Variants in ELAPOR2 observed in about 807,000 individuals in gnomAD.
ELAPOR2 encodes endosome/lysosome-associated apoptosis and autophagy regulator family member 2.
Under a neutral mutation model 120.7 loss-of-function variants are expected in ELAPOR2, and 89 were observed. The observed-to-expected ratio is 0.74, with a 90% CI of 0.62 to 0.88. The LOEUF (loss-of-function observed/expected upper bound fraction) is 0.88, where lower values mean the gene tolerates loss of function less well. ELAPOR2 is among the 40% of genes least tolerant of loss of function. The probability of loss-of-function intolerance (pLI) is 0.00; values close to 1 mark genes in which losing one functional copy is unlikely to be tolerated. For missense variants in ELAPOR2, 1,134 were observed against 1,251.6 expected (o/e 0.91, Z 1.42); for synonymous variants, 444 against 444.9 (o/e 1.00, Z 0.03).
intron 1 of ELAPOR2, among the ~76,000 whole-genome samples, chr7:87,034,665 T>A (rs1794526374): frequency 6.6e-6 from 1 of 152,150 alleles, no homozygotes; most frequent in African/African-American, 2.4e-5. Context: ...AGTAGAAGTC[T>A]GCATTACATT....
intron 2 of ELAPOR2, among the ~76,000 whole-genome samples, chr7:86,954,749 A>G (rs527780556): frequency 9.2e-5 from 14 of 152,120 alleles, no homozygotes; most frequent in Admixed American, 2.0e-4. Context: ...ATAATTATAT[A>G]TATTTGTGGG....
intron 15 of ELAPOR2, among the ~76,000 whole-genome samples, chr7:86,910,586 T>C (rs1247938511): frequency 1.3e-5 from 2 of 152,118 alleles, no homozygotes; most frequent in East Asian, 3.8e-4. Context: ...TTCAACTGTA[T>C]AACAAGTTAA....
At chr7:86,885,969 T>C (rs1799669486) in intron 21 of ELAPOR2, among the ~76,000 whole-genome samples, 1 of 152,160 alleles carries the variant, frequency 6.6e-6, no homozygotes, top group African/African-American at 2.4e-5. Context: ...AACTGCCATT[T>C]GCAACAAATG....
Position 86,938,926 on chromosome 7 carries a change from C to T in ELAPOR2, c.882G>A (p.Lys294=), listed in dbSNP as rs1301027024. ...CTGGTTTGTTGCTGAATGTGCCTGG[C>T]TTGCAAGGAAAACATTCTGATGTGT... ...VAYTSECFPC[K]PGTFSNKPGS... Residue 294 remains lysine (K), a synonymous_variant, in exon 7 of 22, where the codon AAG becomes AAA. Transcript: ENST00000450689. 6 of 1,613,062 alleles carry T rather than the reference C, an allele frequency of 3.7e-6. No homozygotes were observed. The highest frequency in any genetic ancestry group is 5.1e-6 in the Non-Finnish European group (6 of 1,179,442).
chr7:87,032,282 G>T (rs79662933), intron 1 of ELAPOR2, among the ~76,000 whole-genome samples: 3,689 of 152,206 alleles, frequency 0.024, 169 homozygotes, highest in African/African-American at 0.085. Flanking sequence ...ATTTGCTTAT[G>T]AATGATGAAT....
At chr7:86,915,126 T>TTTTTTG (rs895300129) in intron 12 of ELAPOR2, among the ~76,000 whole-genome samples, 2 of 152,142 alleles carry the variant, frequency 1.3e-5, no homozygotes, top group African/African-American at 4.8e-5. Context: ...GGTTGGGGTT[T>TTTTTTG]TTTTTGTTTT....
At chr7:87,043,762 C>T (rs1408375833) in intron 1 of ELAPOR2, among the ~76,000 whole-genome samples, 2 of 151,452 alleles carry the variant, frequency 1.3e-5, no homozygotes, top group East Asian at 1.9e-4. Context: ...CTGGCCAGGG[C>T]AATCAGGCAG....
intron 8 of ELAPOR2, among the ~76,000 whole-genome samples, chr7:86,930,711 C>T (rs1015983270): frequency 1.3e-5 from 2 of 151,970 alleles, no homozygotes; most frequent in African/African-American, 2.4e-5. Context: ...CCCTACCAGG[C>T]ACTCTTTGAG....
At chr7:86,942,328 T>C (rs968302293) in intron 4 of ELAPOR2, among the ~76,000 whole-genome samples, 1 of 151,902 alleles carries the variant, frequency 6.6e-6, no homozygotes. Flanking sequence ...ACAAAAAGCC[T>C]AGCTCATTAG....
At chr7:86,951,840 A>C (rs1227567559) in intron 2 of ELAPOR2, among the ~76,000 whole-genome samples, 1 of 152,200 alleles carries the variant, frequency 6.6e-6, no homozygotes, top group African/African-American at 2.4e-5. Context: ...TGTTGAACTC[A>C]TGGCCAACAG....
intron 21 of ELAPOR2, 44 bp downstream of exon 21, chr7:86,891,680 C>A: frequency 6.4e-7 from 1 of 1,558,890 alleles, no homozygotes; most frequent in Non-Finnish European, 8.7e-7. Context: ...ATGCCCTCTA[C>A]TTTATAAACA....
chr7:86,934,180 C>T (rs908583791), intron 8 of ELAPOR2, among the ~76,000 whole-genome samples: 2 of 151,862 alleles, frequency 1.3e-5, no homozygotes, highest in Admixed American at 6.6e-5. Flanking sequence ...TATTTACCAC[C>T]GGGAACAATG....
chr7:87,010,580 G>A (rs923022575), intron 1 of ELAPOR2, among the ~76,000 whole-genome samples: 1 of 152,186 alleles, frequency 6.6e-6, no homozygotes, highest in African/African-American at 2.4e-5. Context: ...GACCCTTTGA[G>A]TAGAACAGAG....
At chr7:86,887,965 T>C (rs796644434) in intron 21 of ELAPOR2, among the ~76,000 whole-genome samples, 1 of 152,076 alleles carries the variant, frequency 6.6e-6, no homozygotes, top group African/African-American at 2.4e-5. Flanking sequence ...GCCTCACCAA[T>C]CTAGGGCATG....
chr7:86,944,842 G>C (rs1790937599), intron 4 of ELAPOR2, 57 bp downstream of exon 4: 22 of 1,409,524 alleles, frequency 1.6e-5, no homozygotes, highest in Non-Finnish European at 1.9e-5. Flanking sequence ...AACTGACTAA[G>C]GGAAATTTAC....
chr7:86,975,048 G>A (rs1477122913), intron 1 of ELAPOR2, among the ~76,000 whole-genome samples: 1 of 152,120 alleles, frequency 6.6e-6, no homozygotes, highest in Non-Finnish European at 1.5e-5. Context: ...CTACAGAGTG[G>A]ATAAAGAAAA....
chr7:87,051,818 T>C (rs1236839169), intron 1 of ELAPOR2, among the ~76,000 whole-genome samples: 2 of 152,252 alleles, frequency 1.3e-5, no homozygotes, highest in African/African-American at 4.8e-5. Context: ...ACCATGTTTT[T>C]CTATTTTAAT....
intron 3 of ELAPOR2, among the ~76,000 whole-genome samples, chr7:86,947,374 A>G (rs960275903): frequency 2.0e-5 from 3 of 152,204 alleles, no homozygotes; most frequent in Non-Finnish European, 4.4e-5. Context: ...GAAGGTTATG[A>G]ATTCTTCCTG....
chr7:86,904,789 C>T (rs138333213), intron 18 of ELAPOR2, among the ~76,000 whole-genome samples: 4 of 152,268 alleles, frequency 2.6e-5, no homozygotes, highest in Non-Finnish European at 5.9e-5. Context: ...ATGACATTTT[C>T]CCAGGACACC....
Sources: gnomAD v4.1 joint callset for allele counts (sites outside exome capture counted in the v4.1 genomes callset) on GRCh38, gnomAD v4.1.1 for gene constraint, MANE v1.5 for transcripts, NCBI Gene and HGNC (gene_info 2026-07-23, HGNC 2026-07-21) for gene names.